TSPAN15: variants seen among roughly 807,000 people sequenced by gnomAD.
TSPAN15 encodes tetraspanin-15.
Under a neutral mutation model 34.5 loss-of-function variants are expected in TSPAN15, and 20 were observed. The ratio of observed to expected loss-of-function variants is 0.58; its 90% confidence interval spans 0.41 to 0.84. The LOEUF is 0.84. TSPAN15 is among the 40% of genes least tolerant of loss of function. The pLI is 0.00. For synonymous variants in TSPAN15, 155 were observed against 153.9 expected, an observed-to-expected ratio of 1.01 and a Z score of -0.05; for missense variants, 313 against 386.1, an observed-to-expected ratio of 0.81 and a Z score of 1.59.
chr10:69,547,212 A>AT, the TSPAN15 span, among the ~76,000 whole-genome samples: 11 of 151,818 alleles, frequency 7.2e-5, no homozygotes, highest in Non-Finnish European at 4.4e-5. Flanking sequence ...AAAAAAAAAA[A>AT]GGTCTGTGCC....
chr10:69,492,438 A>G (rs888698625), intron 3 of TSPAN15, among the ~76,000 whole-genome samples: 12 of 152,054 alleles, frequency 7.9e-5, no homozygotes, highest in Non-Finnish European at 1.6e-4. Flanking sequence ...ACACACATAC[A>G]AGTGGTGCAC....
At chr10:69,530,300 C>T in the TSPAN15 span, among the ~76,000 whole-genome samples, 9 of 147,392 alleles carry the variant, frequency 6.1e-5, 1 homozygote, top group African/African-American at 2.0e-4. Context: ...TAGTGTGGGC[C>T]CAGGAGATAG....
chr10:69,489,690 C>G (rs114059289), intron 3 of TSPAN15, among the ~76,000 whole-genome samples: 3,201 of 152,348 alleles, frequency 0.021, 120 homozygotes, highest in African/African-American at 0.07. Context: ...GAAACTCCCC[C>G]TGGCTCTGAC....
At chr10:69,469,565 C>T (rs1841462600) in intron 1 of TSPAN15, among the ~76,000 whole-genome samples, 1 of 152,150 alleles carries the variant, frequency 6.6e-6, no homozygotes, top group Non-Finnish European at 1.5e-5. Context: ...CAAACCTCCA[C>T]CTCCCAGGCT....
the TSPAN15 span, among the ~76,000 whole-genome samples, chr10:69,543,730 T>C: frequency 6.6e-6 from 1 of 151,958 alleles, no homozygotes; most frequent in Non-Finnish European, 1.5e-5. Flanking sequence ...GACATTTTCA[T>C]TGCAAGCTAA....
At position 69,463,672 on chromosome 10, in the gene TSPAN15, T is replaced by C. The variant is rs185060439; in HGVS notation, c.96+11982T>C. Among the ~76,000 whole-genome samples, 25 of 152,122 alleles carry C rather than the reference T, an allele frequency of 1.6e-4. 1 individual carries two copies. The East Asian group carries it at 4.8e-3, about 29-fold the overall frequency. ...TAAAAATACAAAAATTAGCCGGGCA[T>C]AGTGGCACATGCCTATAATCCCAGT... On this transcript the variant is annotated intron_variant, in intron 1 of 7. Coordinates refer to ENST00000373290, the MANE Select transcript of TSPAN15 (RefSeq NM_012339.5).
intron 1 of TSPAN15, among the ~76,000 whole-genome samples, chr10:69,457,922 C>T (rs1207753688): frequency 6.6e-6 from 1 of 152,216 alleles, no homozygotes; most frequent in Non-Finnish European, 1.5e-5. Flanking sequence ...AGCCTTGCTG[C>T]TCAAGAGCCA....
the TSPAN15 span, among the ~76,000 whole-genome samples, chr10:69,543,844 A>AGTGTGTGTGTGTGTGTGTGTGT: frequency 2.6e-4 from 19 of 73,806 alleles, no homozygotes; most frequent in East Asian, 9.1e-4. Flanking sequence ...GAAGAAGGGG[A>AGTGTGTGTGTGTGTGTGTGTGT]GTGTGTGTGT....
intron 1 of TSPAN15, among the ~76,000 whole-genome samples, chr10:69,462,154 A>C (rs1156536115): frequency 1.0e-5 from 1 of 100,092 alleles, no homozygotes; most frequent in Non-Finnish European, 2.2e-5. Flanking sequence ...CTAATTTTAA[A>C]GTTTTTTTTT....
At chr10:69,512,694 A>C in the TSPAN15 span, among the ~76,000 whole-genome samples, 1 of 152,084 alleles carries the variant, frequency 6.6e-6, no homozygotes, top group African/African-American at 2.4e-5. Context: ...TACAGCATGC[A>C]CTCTTTCTGT....
chr10:69,464,190 A>T (rs1378367635), intron 1 of TSPAN15, among the ~76,000 whole-genome samples: 1 of 152,274 alleles, frequency 6.6e-6, no homozygotes, highest in Non-Finnish European at 1.5e-5. Flanking sequence ...TCTGGCCTCC[A>T]GAACTGTGAG....
At chr10:69,480,504 C>T (rs1041408417) in intron 1 of TSPAN15, among the ~76,000 whole-genome samples, 3 of 152,114 alleles carry the variant, frequency 2.0e-5, no homozygotes, top group African/African-American at 7.2e-5. Context: ...TACCCGAGTC[C>T]CTGAATATTT....
the TSPAN15 span, among the ~76,000 whole-genome samples, chr10:69,520,191 C>T: frequency 2.0e-5 from 3 of 152,194 alleles, no homozygotes; most frequent in African/African-American, 7.2e-5. Context: ...TCCCTCAGTC[C>T]TTGTAACCTC....
chr10:69,532,622 G>A, the TSPAN15 span, among the ~76,000 whole-genome samples: 6 of 152,204 alleles, frequency 3.9e-5, no homozygotes, highest in African/African-American at 1.4e-4. Context: ...TGGCTTAGGC[G>A]AGGATTTCAT....
At position 69,479,340 on chromosome 10, in the gene TSPAN15, A is replaced by G. The variant is rs548041306; in HGVS notation, c.97-4351A>G. Reference sequence around the variant, plus strand: ...CCTGGAACTGGGCCTCTCCCTGCACAGGAGGAAGCAGGGTTCCAGGATGCA... The same window carrying G: ...CCTGGAACTGGGCCTCTCCCTGCACGGGAGGAAGCAGGGTTCCAGGATGCA... On this transcript the variant is annotated intron_variant, in intron 1 of 7. Transcript: ENST00000373290. Among the ~76,000 whole-genome samples, 3 of 152,366 alleles carry G rather than the reference A, an allele frequency of 2.0e-5. No individual in the cohort carries two copies. The East Asian group carries it at 5.8e-4, about 29-fold the overall frequency.
chr10:69,473,406 A>T (rs1330164121), intron 1 of TSPAN15, among the ~76,000 whole-genome samples: 3 of 152,118 alleles, frequency 2.0e-5, no homozygotes, highest in African/African-American at 7.2e-5. Flanking sequence ...CTGGGGAGGG[A>T]AGGCATTGCT....
At chr10:69,459,116 AAAAAAAAAAC>A (rs754729299) in intron 1 of TSPAN15, among the ~76,000 whole-genome samples, 20,921 of 144,724 alleles carry the variant, frequency 0.14, 1,815 homozygotes, top group Non-Finnish European at 0.19. Context: ...AAAAAAAAAA[AAAAAAAAAAC>A]AACAACAAAA....
chr10:69,462,374 G>T (rs537018360), intron 1 of TSPAN15, among the ~76,000 whole-genome samples: 2 of 151,326 alleles, frequency 1.3e-5, no homozygotes, highest in African/African-American at 2.4e-5. Context: ...TTGCTCTGTC[G>T]CCCAGGCTGG....
the TSPAN15 span, among the ~76,000 whole-genome samples, chr10:69,530,787 TCTCTC>T: frequency 1.5e-4 from 8 of 51,840 alleles, 1 homozygote; most frequent in African/African-American, 1.5e-4. Flanking sequence ...AGACTCTCTC[TCTCTC>T]TCTCTCTCTC....
Sources: gnomAD v4.1 joint callset for allele counts (sites outside exome capture counted in the v4.1 genomes callset) on GRCh38, gnomAD v4.1.1 for gene constraint, MANE v1.5 for transcripts, NCBI Gene and HGNC (gene_info 2026-07-23, HGNC 2026-07-21) for gene names.